SOBP: variants seen among roughly 807,000 people sequenced by gnomAD.
The protein encoded by SOBP is sine oculis binding protein homolog, also known as sine oculis-binding protein homolog.
A neutral mutation model predicts 53.6 loss-of-function variants in SOBP; 4 were observed. The observed-to-expected ratio is 0.07, with a 90% confidence interval of 0.04 to 0.17. The LOEUF (loss-of-function observed/expected upper bound fraction) is 0.17, where lower values mean the gene tolerates loss of function less well. SOBP is among the 10% of genes least tolerant of loss of function. The pLI is 1.00. For synonymous variants in SOBP, 584 were observed against 522.6 expected (o/e 1.12, Z -1.60); for missense variants, 1,088 against 1,204.7 (o/e 0.90, Z 1.43).
At chr6:107,641,001 A>G (rs1771287491) in intron 6 of SOBP, among the ~76,000 whole-genome samples, 1 of 152,162 alleles carries the variant, frequency 6.6e-6, no homozygotes, top group African/African-American at 2.4e-5. Flanking sequence ...ATTTCATGGA[A>G]AGTTTTATGT....
At position 107,514,765 on chromosome 6, in the gene SOBP, A is replaced by G. The variant is rs865933508; in HGVS notation, c.421+8338A>G. 2.6e-5 allele frequency: 4 copies of G among 152,342 alleles called. No individual in the cohort carries two copies. The South Asian group carries it at 6.2e-4, about 24-fold the overall frequency. 9.4% of individuals were successfully genotyped at this position (152,342 alleles called of 1,614,324 possible). On this transcript the variant is annotated intron_variant, in intron 3 of 6. Transcript: ENST00000317357. ...TGATCTGTTATTTCCCTATATTTATAAAATCCTTATTTTGTGACTTGTATG... is the reference window on the plus strand; with the variant it reads ...TGATCTGTTATTTCCCTATATTTATGAAATCCTTATTTTGTGACTTGTATG...
At chr6:107,598,394 G>A (rs754966130) in intron 5 of SOBP, among the ~76,000 whole-genome samples, 4 of 152,186 alleles carry the variant, frequency 2.6e-5, no homozygotes, top group Non-Finnish European at 4.4e-5. Context: ...CTTGCCCTTG[G>A]AGGGTGCGTA....
intron 4 of SOBP, among the ~76,000 whole-genome samples, chr6:107,548,258 G>GT (rs60827093): frequency 0.03 from 4,210 of 142,294 alleles, 152 homozygotes; most frequent in African/African-American, 0.088. Flanking sequence ...TTTTCTTTTT[G>GT]TTTTTTTTTT....
At chr6:107,622,577 A>G (rs992959973) in intron 5 of SOBP, among the ~76,000 whole-genome samples, 1 of 152,236 alleles carries the variant, frequency 6.6e-6, no homozygotes, top group Non-Finnish European at 1.5e-5. Flanking sequence ...TATGGGCACA[A>G]AAAGGTGAAA....
intron 4 of SOBP, among the ~76,000 whole-genome samples, chr6:107,567,233 C>A (rs1784944731): frequency 6.6e-6 from 1 of 152,164 alleles, no homozygotes; most frequent in African/African-American, 2.4e-5. Flanking sequence ...GGAAGACGGA[C>A]ACATTTTCTT....
intron 4 of SOBP, among the ~76,000 whole-genome samples, chr6:107,585,434 A>G (rs1308434978): frequency 6.6e-6 from 1 of 152,210 alleles, no homozygotes; most frequent in Non-Finnish European, 1.5e-5. Flanking sequence ...AGCTATATTA[A>G]TTTAAACCAT....
At chr6:107,616,092 G>GGA (rs1554187928) in intron 5 of SOBP, among the ~76,000 whole-genome samples, 1 of 124,674 alleles carries the variant, frequency 8.0e-6, no homozygotes, top group Admixed American at 8.0e-5. Flanking sequence ...GGTGGGGGGG[G>GGA]GGCGGGGGGG....
chr6:107,642,876 T>TA (rs1413687586), intron 6 of SOBP, among the ~76,000 whole-genome samples: 1 of 152,246 alleles, frequency 6.6e-6, no homozygotes, highest in Admixed American at 6.5e-5. Context: ...AAAATACAAC[T>TA]AAAAAGTAGA....
At chr6:107,612,102 T>C (rs1022668429) in intron 5 of SOBP, among the ~76,000 whole-genome samples, 5 of 152,198 alleles carry the variant, frequency 3.3e-5, no homozygotes, top group African/African-American at 1.2e-4. Context: ...TTGGACAATT[T>C]GGGGCAAGAT....
At chr6:107,543,361 T>C (rs945833923) in intron 4 of SOBP, among the ~76,000 whole-genome samples, 4 of 152,218 alleles carry the variant, frequency 2.6e-5, no homozygotes, top group Admixed American at 6.5e-5. Flanking sequence ...TCCTCTGGAA[T>C]GAGTCTCTGG....
intron 1 of SOBP, among the ~76,000 whole-genome samples, chr6:107,501,898 A>G (rs896121369): frequency 1.3e-5 from 2 of 152,222 alleles, no homozygotes; most frequent in South Asian, 2.1e-4. Context: ...ACGACCAGCC[A>G]TCAGAGAGAA....
intron 1 of SOBP, among the ~76,000 whole-genome samples, 160 bp downstream of exon 1, chr6:107,490,872 A>G (rs1354933249): frequency 1.3e-5 from 2 of 152,030 alleles, no homozygotes; most frequent in East Asian, 3.9e-4. Flanking sequence ...GCAGAGGCCA[A>G]CTCGAGGGCT....
intron 3 of SOBP, chr6:107,511,863 C>T (rs1245666880): frequency 6.6e-6 from 1 of 152,240 alleles, no homozygotes; most frequent in Non-Finnish European, 1.5e-5. Flanking sequence ...GCCTCTGGCC[C>T]TTGGTATGGT....
intron 4 of SOBP, among the ~76,000 whole-genome samples, chr6:107,563,300 T>A (rs998936656): frequency 2.0e-5 from 3 of 152,194 alleles, no homozygotes; most frequent in Non-Finnish European, 4.4e-5. Context: ...AGGAGTTTGA[T>A]GGGTCAAAAT....
intron 3 of SOBP, among the ~76,000 whole-genome samples, chr6:107,529,842 G>C (rs1472077257): frequency 2.0e-5 from 3 of 152,128 alleles, no homozygotes; most frequent in Non-Finnish European, 4.4e-5. Context: ...ATGTTCTATA[G>C]CTCTTGGAAC....
At chr6:107,497,329 GT>G (rs1266431286) in intron 1 of SOBP, among the ~76,000 whole-genome samples, 1 of 152,136 alleles carries the variant, frequency 6.6e-6, no homozygotes, top group Non-Finnish European at 1.5e-5. Context: ...GTGTCAGAAT[GT>G]TTTGAAGTTA....
intron 1 of SOBP, among the ~76,000 whole-genome samples, chr6:107,500,715 T>C (rs868402800): frequency 2.1e-5 from 3 of 142,874 alleles, no homozygotes; most frequent in East Asian, 3.9e-4. Flanking sequence ...TAGAGACGGA[T>C]GGGGTTTCAC....
At chr6:107,535,750 C>T (rs1214608945) in intron 4 of SOBP, among the ~76,000 whole-genome samples, 1 of 151,294 alleles carries the variant, frequency 6.6e-6, no homozygotes, top group East Asian at 1.9e-4. Context: ...TTACAATAAA[C>T]ATGTACAGCT....
chr6:107,516,294 T>A (rs764466807), intron 3 of SOBP, among the ~76,000 whole-genome samples: 2 of 152,090 alleles, frequency 1.3e-5, no homozygotes, highest in African/African-American at 2.4e-5. Flanking sequence ...AAACCTAGTC[T>A]GTACTAAAAA....
Sources: allele counts gnomAD v4.1 joint callset (sites outside exome capture counted in the v4.1 genomes callset), GRCh38; gene constraint gnomAD v4.1.1; transcripts MANE v1.5; gene names NCBI Gene and HGNC (gene_info 2026-07-23, HGNC 2026-07-21).